The following CSMD3 variants were observed in gnomAD, a reference collection of about 807,000 sequenced individuals.
CSMD3 encodes CUB and Sushi multiple domains 3, also known as CUB and sushi domain-containing protein 3.
A neutral mutation model predicts 435.2 loss-of-function variants in CSMD3; 177 were observed. The observed-to-expected ratio is 0.41, with a 90% CI of 0.36 to 0.46. The LOEUF (loss-of-function observed/expected upper bound fraction) is 0.46, where lower values mean the gene tolerates loss of function less well. Among genes scored for constraint, CSMD3 ranks in the 20% least tolerant of loss-of-function variants. The pLI, the probability that CSMD3 is intolerant of heterozygous loss-of-function variation, is 0.34. For synonymous variants in CSMD3, 1,656 were observed against 1,520.5 expected (o/e 1.09, Z -2.07); for missense variants, 4,265 against 4,504.6 (o/e 0.95, Z 1.52).
chr8:113,320,071 T>C (rs373380470), intron 1 of CSMD3, among the ~76,000 whole-genome samples: 1 of 152,024 alleles, frequency 6.6e-6, no homozygotes, highest in Non-Finnish European at 1.5e-5. Context: ...ATTTAGGCCA[T>C]TGCTACAAAA....
At chr8:113,109,668 A>G (rs527886122) in intron 4 of CSMD3, among the ~76,000 whole-genome samples, 1 of 152,232 alleles carries the variant, frequency 6.6e-6, no homozygotes, top group Non-Finnish European at 1.5e-5. Flanking sequence ...TTGTGGCCCT[A>G]TCTTCAAATC....
intron 2 of CSMD3, among the ~76,000 whole-genome samples, chr8:113,287,415 C>G (rs1018472412): frequency 6.6e-6 from 1 of 151,886 alleles, no homozygotes; most frequent in Non-Finnish European, 1.5e-5. Flanking sequence ...TCATGCATAT[C>G]CTATTGATAT....
intron 3 of CSMD3, among the ~76,000 whole-genome samples, chr8:113,200,010 G>C (rs2092700317): frequency 6.6e-6 from 1 of 151,842 alleles, no homozygotes; most frequent in South Asian, 2.1e-4. Context: ...CTGTGCTTCA[G>C]ATTTATATAC....
At chr8:112,617,792 C>T (rs1308181125) in intron 22 of CSMD3, among the ~76,000 whole-genome samples, 1 of 152,084 alleles carries the variant, frequency 6.6e-6, no homozygotes, top group Non-Finnish European at 1.5e-5. Context: ...CAGAATAATA[C>T]ATAATGCACA....
At chr8:112,982,226 C>G (rs1307047718) in intron 6 of CSMD3, among the ~76,000 whole-genome samples, 1 of 151,790 alleles carries the variant, frequency 6.6e-6, no homozygotes, top group Non-Finnish European at 1.5e-5. Context: ...AAACACACAC[C>G]ACTTGCAGAA....
At chr8:112,786,383 C>T (rs1318945329) in intron 13 of CSMD3, among the ~76,000 whole-genome samples, 1 of 151,966 alleles carries the variant, frequency 6.6e-6, no homozygotes, top group Non-Finnish European at 1.5e-5. Flanking sequence ...TATTTATTAC[C>T]CCAAAAGCAC....
intron 1 of CSMD3, among the ~76,000 whole-genome samples, chr8:113,372,839 C>A (rs2094354937): frequency 6.6e-6 from 1 of 150,720 alleles, no homozygotes; most frequent in South Asian, 2.1e-4. Flanking sequence ...GAGGCTGAGG[C>A]AGGAGAACGG....
rs866608963 is a variant in CSMD3 at position 113,146,680 on chromosome 8, A to G, written c.709+27042T>C. Among the ~76,000 whole-genome samples the G allele has an allele frequency of 5.9e-3, 892 of 151,768 alleles. 4 individuals carry two copies. The highest frequency in any genetic ancestry group is 0.019 in the African/African-American group (794 of 41,494). On this transcript the variant is annotated intron_variant, in intron 4 of 70. Coordinates refer to ENST00000297405, the MANE Select transcript of CSMD3 (RefSeq NM_198123.2). ...GTGGGTAAATAATAAATGTGGCTGG[A>G]AAAGAAGATCTGGCACTAAAAACAT...
At chr8:112,639,486 G>A (rs1389078852) in intron 20 of CSMD3, among the ~76,000 whole-genome samples, 5 of 152,074 alleles carry the variant, frequency 3.3e-5, no homozygotes, top group African/African-American at 1.2e-4. Flanking sequence ...CAGGTCAATA[G>A]TTTTCACAAA....
chr8:113,357,362 A>G (rs1048366938), intron 1 of CSMD3, among the ~76,000 whole-genome samples: 1 of 152,230 alleles, frequency 6.6e-6, no homozygotes, highest in Non-Finnish European at 1.5e-5. Flanking sequence ...GGAAAACTGG[A>G]CATTGAATCC....
At chr8:112,393,296 TCTAAA>T (rs1830592966) in intron 35 of CSMD3, among the ~76,000 whole-genome samples, 1 of 152,172 alleles carries the variant, frequency 6.6e-6, no homozygotes, top group Non-Finnish European at 1.5e-5. Context: ...AGTCCAGCCT[TCTAAA>T]CTAATATGCT....
At chr8:112,812,961 A>C (rs2132396103) in intron 12 of CSMD3, among the ~76,000 whole-genome samples, 1 of 152,328 alleles carries the variant, frequency 6.6e-6, no homozygotes, top group Admixed American at 6.5e-5. Flanking sequence ...CCACTTCAAA[A>C]GTTCATTGAA....
rs116062501 is a variant in CSMD3 at position 113,003,337 on chromosome 8, A to G, written c.1030+15730T>C. On this transcript the variant is annotated intron_variant, in intron 6 of 70. Transcript: ENST00000297405. The stretch of plus-strand genomic sequence containing the variant: ...TTGTTGTTTGCTTATTTTTCCTTCA[A>G]TTTTTGTTCTTCAAAATATTGATCA... 6.6e-3 allele frequency among the ~76,000 whole-genome samples: 1,001 copies of G among 152,116 alleles called. 12 individuals are homozygous for G. The highest frequency in any genetic ancestry group is 0.023 in the African/African-American group (960 of 41,518).
intron 45 of CSMD3, among the ~76,000 whole-genome samples, chr8:112,325,527 G>A (rs12155552): frequency 0.19 from 28,828 of 151,896 alleles, 3,164 homozygotes; most frequent in Middle Eastern, 0.33. Flanking sequence ...AGGCATTTTT[G>A]CTTTTCTTAT....
At chr8:113,247,326 T>G (rs1460600562) in intron 3 of CSMD3, among the ~76,000 whole-genome samples, 1 of 152,160 alleles carries the variant, frequency 6.6e-6, no homozygotes, top group Non-Finnish European at 1.5e-5. Context: ...GTCAGACAGA[T>G]AAAATAGTGA....
intron 13 of CSMD3, among the ~76,000 whole-genome samples, chr8:112,693,229 T>C (rs2076177096): frequency 6.6e-6 from 1 of 152,084 alleles, no homozygotes; most frequent in African/African-American, 2.4e-5. Flanking sequence ...ATGTGATATA[T>C]AGTACAGAAA....
chr8:113,064,415 G>A (rs987517066), intron 5 of CSMD3, among the ~76,000 whole-genome samples: 2 of 152,002 alleles, frequency 1.3e-5, no homozygotes, highest in African/African-American at 4.8e-5. Flanking sequence ...TGTTCACAGA[G>A]CAAGCAAATC....
intron 5 of CSMD3, among the ~76,000 whole-genome samples, chr8:113,036,449 T>C (rs145572832): frequency 6.6e-6 from 1 of 152,152 alleles, no homozygotes; most frequent in African/African-American, 2.4e-5. Context: ...TACTCAACAG[T>C]AGACATGTGT....
intron 1 of CSMD3, among the ~76,000 whole-genome samples, chr8:113,401,027 A>C (rs1237645157): frequency 6.6e-6 from 1 of 151,838 alleles, no homozygotes. Context: ...ATTGTAAAAC[A>C]GTAGAAATAT....
Sources: gnomAD v4.1 joint callset for allele counts (sites outside exome capture counted in the v4.1 genomes callset) on GRCh38, gnomAD v4.1.1 for gene constraint, MANE v1.5 for transcripts, NCBI Gene and HGNC (gene_info 2026-07-23, HGNC 2026-07-21) for gene names.